The following ADGRL3 variants were observed in gnomAD, a reference collection of about 807,000 sequenced individuals.
The protein encoded by ADGRL3 is adhesion G protein-coupled receptor L3.
ADGRL3 carries 62 observed loss-of-function variants against 153.5 expected under a neutral mutation model. The ratio of observed to expected loss-of-function variants is 0.40; its 90% CI spans 0.33 to 0.50. The LOEUF is 0.50. Ranked by LOEUF, ADGRL3 falls within the 20% of genes least tolerant of loss-of-function variation. The pLI is 0.47. For missense variants in ADGRL3, 1,641 were observed against 1,859.4 expected (o/e 0.88, Z 2.16); for synonymous variants, 710 against 672.5 (o/e 1.06, Z -0.86).
At chr4:61,432,586 C>CTTTTTCTTTCTTTT (rs375051807) in intron 2 of ADGRL3, among the ~76,000 whole-genome samples, 1 of 10,124 alleles carries the variant, frequency 9.9e-5, no homozygotes. Context: ...TTCTTTCTTT[C>CTTTTTCTTTCTTTT]TTTCTTTCTT....
chr4:61,977,978 A>G (rs1366618649), intron 17 of ADGRL3, among the ~76,000 whole-genome samples: 3 of 152,052 alleles, frequency 2.0e-5, no homozygotes, highest in African/African-American at 7.2e-5. Context: ...CCAAGTTTCT[A>G]TCGTGGCCAT....
At chr4:61,872,184 TGGCTGGATCATA>T (rs1406892200) in intron 9 of ADGRL3, among the ~76,000 whole-genome samples, 2 of 152,132 alleles carry the variant, frequency 1.3e-5, no homozygotes, top group African/African-American at 4.8e-5. Flanking sequence ...TGGTTCTTAG[TGGCTGGATCATA>T]GTGTGTGTCG....
chr4:61,657,115 CCT>C (rs2094462430), intron 5 of ADGRL3, among the ~76,000 whole-genome samples: 2 of 151,988 alleles, frequency 1.3e-5, no homozygotes, highest in African/African-American at 4.8e-5. Context: ...GTGTTTTTCC[CCT>C]CTCTGCTCTT....
chr4:61,829,743 G>T (rs2097849088), intron 9 of ADGRL3, among the ~76,000 whole-genome samples: 1 of 152,142 alleles, frequency 6.6e-6, no homozygotes, highest in Non-Finnish European at 1.5e-5. Context: ...ACAGGGTATA[G>T]TTAGTTAACT....
chr4:61,542,304 T>TGTGAACAAATATACATTTTAG (rs1418818990), intron 4 of ADGRL3, among the ~76,000 whole-genome samples: 20 of 152,332 alleles, frequency 1.3e-4, no homozygotes, highest in African/African-American at 4.6e-4. Context: ...ATTTATTTAC[T>TGTGAACAAATATACATTTTAG]GTGAACAAAT....
At chr4:61,685,936 A>G (rs2095434129) in intron 6 of ADGRL3, among the ~76,000 whole-genome samples, 1 of 152,148 alleles carries the variant, frequency 6.6e-6, no homozygotes, top group South Asian at 2.1e-4. Context: ...ATATAGACTT[A>G]GATTAATAAT....
intron 5 of ADGRL3, among the ~76,000 whole-genome samples, chr4:61,647,713 A>C (rs2150332693): frequency 6.6e-6 from 1 of 152,282 alleles, no homozygotes; most frequent in African/African-American, 2.4e-5. Flanking sequence ...AGAATGCAAA[A>C]ATTAACAATA....
At chr4:61,895,601 T>A in intron 10 of ADGRL3, 130 bp from the exon 11 acceptor site, 1 of 551,736 alleles carries the variant, frequency 1.8e-6, no homozygotes, top group Non-Finnish European at 3.2e-6. Context: ...ACTGGCACTG[T>A]ATCTGGTGTT....
intron 1 of ADGRL3, among the ~76,000 whole-genome samples, chr4:61,342,307 G>A (rs867341416): frequency 6.6e-6 from 1 of 152,080 alleles, no homozygotes; most frequent in East Asian, 1.9e-4. Context: ...TAAGCAGTTC[G>A]TGAACAGTTA....
chr4:61,314,252 C>T (rs1438193725), intron 1 of ADGRL3, among the ~76,000 whole-genome samples: 1 of 151,208 alleles, frequency 6.6e-6, no homozygotes, highest in Non-Finnish European at 1.5e-5. Flanking sequence ...TCTTGTTGCC[C>T]AGGCTAGAGT....
intron 15 of ADGRL3, among the ~76,000 whole-genome samples, chr4:61,938,604 G>T (rs1170358806): frequency 6.6e-6 from 1 of 152,220 alleles, no homozygotes; most frequent in Non-Finnish European, 1.5e-5. Context: ...GCTGCCGCAA[G>T]TGAACTCTGT....
At chr4:61,885,567 G>T (rs1045224410) in intron 9 of ADGRL3, among the ~76,000 whole-genome samples, 1 of 152,142 alleles carries the variant, frequency 6.6e-6, no homozygotes, top group Admixed American at 6.5e-5. Flanking sequence ...CATAATAAGT[G>T]CTCAGTAAGT....
At chr4:61,899,833 G>A (rs1373753431) in intron 11 of ADGRL3, among the ~76,000 whole-genome samples, 1 of 152,166 alleles carries the variant, frequency 6.6e-6, no homozygotes, top group Non-Finnish European at 1.5e-5. Flanking sequence ...CTCACATGGT[G>A]GAAGGGACAG....
chr4:61,762,317 T>G (rs1318029075), intron 8 of ADGRL3, among the ~76,000 whole-genome samples: 1 of 152,172 alleles, frequency 6.6e-6, no homozygotes, highest in Non-Finnish European at 1.5e-5. Context: ...TAAGCATTAC[T>G]TTTTATTTGA....
chr4:61,824,936 A>G (rs1427990052), intron 9 of ADGRL3, among the ~76,000 whole-genome samples: 3 of 152,166 alleles, frequency 2.0e-5, no homozygotes, highest in Non-Finnish European at 4.4e-5. Context: ...ATTGTTATAC[A>G]TACAACATCA....
chr4:61,470,531 C>A (rs781321750), intron 2 of ADGRL3, among the ~76,000 whole-genome samples: 1 of 151,872 alleles, frequency 6.6e-6, no homozygotes, highest in Non-Finnish European at 1.5e-5. Flanking sequence ...TTATTTGCTT[C>A]TTTATAGATA....
chr4:61,738,953 T>C (rs184987970), intron 8 of ADGRL3, among the ~76,000 whole-genome samples: 1 of 152,320 alleles, frequency 6.6e-6, no homozygotes, highest in East Asian at 1.9e-4. Context: ...TTAAAATTCA[T>C]TTACTATGTT....
At chr4:61,247,309 T>C (rs919523488) in intron 1 of ADGRL3, among the ~76,000 whole-genome samples, 3 of 152,100 alleles carry the variant, frequency 2.0e-5, no homozygotes, top group African/African-American at 4.8e-5. Context: ...TTTTTATAAA[T>C]AGAAACCCTG....
At chr4:61,828,496 T>A (rs1197497704) in intron 9 of ADGRL3, among the ~76,000 whole-genome samples, 1 of 152,206 alleles carries the variant, frequency 6.6e-6, no homozygotes, top group Non-Finnish European at 1.5e-5. Flanking sequence ...ATACAGAAAT[T>A]TGATGTTGGT....
Sources: allele counts gnomAD v4.1 joint callset (sites outside exome capture counted in the v4.1 genomes callset), GRCh38; gene constraint gnomAD v4.1.1; transcripts MANE v1.5; gene names NCBI Gene and HGNC (gene_info 2026-07-23, HGNC 2026-07-21).